ARID4B: variants seen among roughly 807,000 people sequenced by gnomAD.
ARID4B encodes the protein AT-rich interactive domain-containing protein 4B.
Under a neutral mutation model 147.5 loss-of-function variants are expected in ARID4B, and 26 were observed. The observed-to-expected ratio is 0.18, with a 90% CI of 0.13 to 0.24. The LOEUF (loss-of-function observed/expected upper bound fraction) is 0.24, where lower values mean the gene tolerates loss of function less well. ARID4B is among the 10% of genes least tolerant of loss of function. ARID4B has a pLI of 1.00. For synonymous variants in ARID4B, 512 were observed against 507.9 expected (o/e 1.01, Z -0.11); for missense variants, 1,179 against 1,511.5 (o/e 0.78, Z 3.65).
intron 2 of ARID4B, among the ~76,000 whole-genome samples, chr1:235,262,155 AAAG>A (rs138584713): frequency 0.13 from 19,916 of 152,132 alleles, 1,493 homozygotes; most frequent in African/African-American, 0.2. Flanking sequence ...ATAAATAATG[AAAG>A]AATAATTTCA....
At chr1:235,274,770 G>A (rs1037276761) in intron 2 of ARID4B, among the ~76,000 whole-genome samples, 2 of 152,150 alleles carry the variant, frequency 1.3e-5, no homozygotes, top group South Asian at 2.1e-4. Context: ...CTATGGCTAC[G>A]ATCTGCAACC....
rs144469804 is a variant in ARID4B at position 235,182,159 on chromosome 1, C to G, written c.2760G>C (p.Arg920Ser). The change falls in exon 20 of 24, where the codon AGG becomes AGC. Residue 920 changes from arginine to serine, a missense_variant. Physicochemically the swap from Arg to Ser is moderately radical, Grantham distance 110 (BLOSUM62 -1). Transcript: ENST00000264183. The stretch of plus-strand genomic sequence containing the variant: ...ACCAGACATCTTTTCGATCTTTGGC[C>G]CTGCTGTTTTGAAGTCTTTCATCAG... ...NNSDERLQNS[R>S]AKDRKDVWSS... The G allele has an allele frequency of 3.1e-6, 5 of 1,614,130 alleles. No homozygotes were observed.
intron 23 of ARID4B, among the ~76,000 whole-genome samples, chr1:235,171,574 C>T (rs1051192442): frequency 4.6e-5 from 7 of 151,994 alleles, no homozygotes. Flanking sequence ...TTAGCAAAAT[C>T]ATTCATTATA....
At chr1:235,200,634 G>C (rs1029645414) in intron 17 of ARID4B, among the ~76,000 whole-genome samples, 2 of 148,252 alleles carry the variant, frequency 1.3e-5, no homozygotes, top group South Asian at 4.2e-4. Flanking sequence ...AGAAGCACAG[G>C]CTTCAAAGAA....
intron 2 of ARID4B, among the ~76,000 whole-genome samples, chr1:235,325,737 T>C (rs1466026747): frequency 6.6e-6 from 1 of 152,194 alleles, no homozygotes; most frequent in African/African-American, 2.4e-5. Context: ...TGAAATGAGA[T>C]AGGAATAAAC....
rs191611840 is a variant in ARID4B, at chr1:235,205,114, G to A, written c.1841+8655C>T. On this transcript the variant is annotated intron_variant, in intron 17 of 23. Coordinates refer to ENST00000264183, the MANE Select transcript of ARID4B (RefSeq NM_016374.6). ...GTACCTTGCTTTCTATCATTACCAGGACAATTATTTCAAAGAAAATGAGTA... is the reference window on the plus strand; with the variant it reads ...GTACCTTGCTTTCTATCATTACCAGAACAATTATTTCAAAGAAAATGAGTA... Among the ~76,000 whole-genome samples, 158 of 152,110 alleles carry A rather than the reference G, an allele frequency of 1.0e-3. 1 individual carries two copies. Among genetic ancestry groups the A allele is most frequent in the Non-Finnish European group, 1.9e-3 (131 of 67,976 alleles).
At position 235,291,100 on chromosome 1, in the gene ARID4B, T is replaced by A. The variant is rs61838769; in HGVS notation, c.7-30348A>T. ...GTGTGACAGAGTAACAATTTGTTTC[T>A]AAAAGAAGAAAATAGGCCAGGCGTG... On this transcript the variant is annotated intron_variant, in intron 2 of 23. Coordinates refer to ENST00000264183, the MANE Select transcript of ARID4B (RefSeq NM_016374.6). Among the ~76,000 whole-genome samples, 1,336 of 152,186 alleles carry A rather than the reference T, an allele frequency of 8.8e-3. 7 individuals are homozygous for A. Among genetic ancestry groups the A allele is most frequent in the Middle Eastern group, 0.017 (5 of 294 alleles).
intron 19 of ARID4B, among the ~76,000 whole-genome samples, chr1:235,183,951 G>T (rs1664499066): frequency 6.6e-6 from 1 of 151,858 alleles, no homozygotes; most frequent in Non-Finnish European, 1.5e-5. Flanking sequence ...GTGAATTTTT[G>T]TATTTTTTGT....
intron 2 of ARID4B, among the ~76,000 whole-genome samples, chr1:235,319,854 C>T (rs888386760): frequency 2.0e-5 from 3 of 151,778 alleles, no homozygotes; most frequent in East Asian, 1.9e-4. Flanking sequence ...AAAGGCCGGG[C>T]GAGGTGACTC....
intron 2 of ARID4B, among the ~76,000 whole-genome samples, chr1:235,264,402 T>A (rs374104129): frequency 6.6e-6 from 1 of 152,198 alleles, no homozygotes; most frequent in African/African-American, 2.4e-5. Context: ...GATTTGAGTA[T>A]GTAATTTTAG....
chr1:235,220,489 G>A lies in ARID4B; in HGVS notation c.1220C>T (p.Ala407Val), dbSNP rs1486764732. ...CTTGTTAACAACTTTCTCTGGCAAT[G>A]CCATCTGAAATTCAATGTTGGCTGA... is the stretch of plus-strand genomic sequence containing the variant. ...CRSANIEFQMALPEKVVNKQC... is the reference protein window; with the variant it reads ...CRSANIEFQMVLPEKVVNKQC... The change falls in exon 15 of 24, where the codon GCA becomes GTA. Residue 407 changes from alanine to valine, a missense_variant. Physicochemically the swap from Ala to Val is moderately conservative, Grantham distance 64 (BLOSUM62 0). This residue lies in a region of ARID4B where 204 missense variants were observed against 210.9 expected (regional missense o/e 0.97). Transcript: ENST00000264183. 1 of 1,611,742 alleles carries A rather than the reference G, an allele frequency of 6.2e-7. No homozygotes were observed. The highest frequency in any genetic ancestry group is 1.3e-5 in the African/African-American group (1 of 74,780).
At chr1:235,288,553 C>G (rs578064413) in intron 2 of ARID4B, among the ~76,000 whole-genome samples, 140 of 152,276 alleles carry the variant, frequency 9.2e-4, no homozygotes, top group African/African-American at 3.2e-3. Flanking sequence ...TCAGTAAACA[C>G]AAACTGTCGA....
At chr1:235,226,752 G>C (rs531424416) in intron 11 of ARID4B, among the ~76,000 whole-genome samples, 44 of 152,320 alleles carry the variant, frequency 2.9e-4, no homozygotes, top group African/African-American at 7.5e-4. Context: ...TCGATCTCCT[G>C]ACCTCAGGTG....
intron 16 of ARID4B, among the ~76,000 whole-genome samples, chr1:235,216,396 G>A (rs1667083009): frequency 6.6e-6 from 1 of 151,780 alleles, no homozygotes; most frequent in South Asian, 2.1e-4. Context: ...TGCCCAGGCT[G>A]GAGTACAGTG....
In ARID4B at chr1:235,181,621, T is replaced by C. The variant is rs778282067; in HGVS notation, c.3298A>G (p.Ser1100Gly). The change falls in exon 20 of 24, where the codon AGT (serine) becomes GGT (glycine). Residue 1100 changes from serine to glycine, a missense_variant. This residue lies in a region of ARID4B where 357 missense variants were observed against 427.3 expected (regional missense o/e 0.84). Coordinates refer to ENST00000264183, the MANE Select transcript of ARID4B (RefSeq NM_016374.6). ...AGFDASVSSSSSNQPEPEHPE... is the reference protein window; with the variant it reads ...AGFDASVSSSGSNQPEPEHPE... ...TGTTCTGGTTCTGGCTGATTACTAC[T>C]GCTTGAGCTCACACTGGCATCAAAA... 51 of 1,613,588 alleles carry C rather than the reference T, an allele frequency of 3.2e-5. No individual in the cohort carries two copies. The highest frequency in any genetic ancestry group is 3.8e-5 in the Non-Finnish European group (45 of 1,180,036).
At chr1:235,200,121 C>T (rs747900820) in intron 17 of ARID4B, among the ~76,000 whole-genome samples, 3 of 151,934 alleles carry the variant, frequency 2.0e-5, no homozygotes, top group African/African-American at 7.3e-5. Flanking sequence ...GAGTTCGAGA[C>T]CAGCCTGGCC....
chr1:235,234,465 T>C lies in ARID4B; in HGVS notation c.613A>G (p.Ile205Val). 1 of 1,607,246 alleles carries C rather than the reference T, an allele frequency of 6.2e-7. No individual in the cohort carries two copies. Among genetic ancestry groups the C allele is most frequent in the Non-Finnish European group, 8.5e-7 (1 of 1,175,182 alleles). Residue 205 changes from isoleucine (I) to valine (V), a missense_variant, in exon 9 of 24, where the codon ATT becomes GTT. Physicochemically the swap from Ile to Val is conservative, Grantham distance 29 (BLOSUM62 3). This residue lies in a region of ARID4B where 159 missense variants were observed against 190.5 expected (regional missense o/e 0.83). Coordinates refer to ENST00000264183, the MANE Select transcript of ARID4B (RefSeq NM_016374.6). ...LVVCPDCSDE[I>V]AVKKDNILVR... ...AGAATATTGTCCTTTTTTACAGCAA[T>C]CTCATCACTACAATCAGGACAAACC...
At chr1:235,270,804 T>C (rs542388077) in intron 2 of ARID4B, among the ~76,000 whole-genome samples, 14 of 152,252 alleles carry the variant, frequency 9.2e-5, no homozygotes, top group African/African-American at 3.4e-4. Context: ...CAAATGAATC[T>C]TCTTTGGAGT....
chr1:235,282,763 C>G (rs12760766), intron 2 of ARID4B, among the ~76,000 whole-genome samples: 44,730 of 151,998 alleles, frequency 0.29, 7,705 homozygotes, highest in South Asian at 0.53. Context: ...ATTTACATTA[C>G]ATACTATTTA....
Sources: allele counts gnomAD v4.1 joint callset (sites outside exome capture counted in the v4.1 genomes callset), GRCh38; gene constraint gnomAD v4.1.1; regional missense constraint gnomAD v4.1.1; transcripts MANE v1.5; gene names NCBI Gene and HGNC (gene_info 2026-07-23, HGNC 2026-07-21).